Variants in CEMIP observed in about 807,000 individuals in gnomAD.
CEMIP encodes cell migration-inducing and hyaluronan-binding protein.
Under a neutral mutation model 156.9 loss-of-function variants are expected in CEMIP, and 105 were observed. The ratio of observed to expected loss-of-function variants is 0.67; its 90% CI spans 0.57 to 0.79. CEMIP has a LOEUF of 0.79. CEMIP is among the 30% of genes least tolerant of loss of function. The pLI, the probability that CEMIP is intolerant of heterozygous loss-of-function variation, is 0.00. For synonymous variants in CEMIP, 676 were observed against 668.4 expected, an observed-to-expected ratio of 1.01 and a Z score of -0.17; for missense variants, 1,457 against 1,769.4, an observed-to-expected ratio of 0.82 and a Z score of 3.17.
At chr15:80,909,695 G>A (rs1490392975) in intron 14 of CEMIP, 5 of 448,778 alleles carry the variant, frequency 1.1e-5, no homozygotes, top group Non-Finnish European at 1.8e-5. Context: ...GATTTGAGAT[G>A]GTGACAACAA....
chr15:80,816,758 C>T (rs921429325), intron 1 of CEMIP, among the ~76,000 whole-genome samples: 6 of 152,020 alleles, frequency 3.9e-5, no homozygotes, highest in East Asian at 1.9e-4. Context: ...AGAGGTCAAA[C>T]GAGGGTGAGA....
intron 1 of CEMIP, among the ~76,000 whole-genome samples, chr15:80,804,085 G>A (rs570221930): frequency 6.6e-6 from 1 of 152,180 alleles, no homozygotes; most frequent in East Asian, 1.9e-4. Flanking sequence ...ATCAGATCTT[G>A]CGATACTTAT....
Position 80,872,477 on chromosome 15 carries a change from T to TA in CEMIP, c.-175-1060dup, listed in dbSNP as rs751645874. On this transcript the variant is annotated intron_variant, in intron 1 of 29. Transcript: ENST00000394685. ...GACAGATTCCCATAGTAAACTTCTA[T>TA]ATGAGTAAAAGGAAACAAAAATAAC... Among the ~76,000 whole-genome samples the TA allele has an allele frequency of 3.2e-4, 48 of 152,120 alleles. 1 individual carries two copies. The highest frequency in any genetic ancestry group is 4.3e-4 in the Non-Finnish European group (29 of 68,038).
At chr15:80,913,016 C>G (rs1307478181) in intron 14 of CEMIP, among the ~76,000 whole-genome samples, 1 of 151,946 alleles carries the variant, frequency 6.6e-6, no homozygotes, top group Non-Finnish European at 1.5e-5. Context: ...GATACTGGCT[C>G]GGGAGAAAGA....
At chr15:80,809,695 G>A (rs374179589) in intron 1 of CEMIP, among the ~76,000 whole-genome samples, 54 of 152,238 alleles carry the variant, frequency 3.5e-4, no homozygotes, top group African/African-American at 1.1e-3. Context: ...GGGAAAATCC[G>A]CTTCTGGGCC....
At chr15:80,870,042 GA>G (rs1447366399) in intron 1 of CEMIP, among the ~76,000 whole-genome samples, 2 of 152,152 alleles carry the variant, frequency 1.3e-5, no homozygotes, top group Non-Finnish European at 2.9e-5. Context: ...AGTGACCCTG[GA>G]ATTTACAGTG....
At chr15:80,827,190 C>T (rs1293187591) in intron 1 of CEMIP, among the ~76,000 whole-genome samples, 1 of 152,110 alleles carries the variant, frequency 6.6e-6, no homozygotes, top group Non-Finnish European at 1.5e-5. Context: ...CCATTTGAAG[C>T]ACATGATTAA....
Position 80,932,875 on chromosome 15 carries a change from C to T in CEMIP, c.2794-370C>T, listed in dbSNP as rs1309084962. 6.6e-6 allele frequency among the ~76,000 whole-genome samples: 1 copy of T among 152,176 alleles called. No individual in the cohort carries two copies. Among genetic ancestry groups the T allele is most frequent in the South Asian group, 2.1e-4 (1 of 4,828 alleles). On this transcript the variant is annotated intron_variant, in intron 22 of 29. Coordinates refer to ENST00000394685, the MANE Select transcript of CEMIP (RefSeq NM_001293298.2). This position sits in a 1 kb window ranked among gnomAD's most constrained non-coding sequence, Gnocchi z 4.5. ...AAAAGTGTGTGTACCCTTTCTCATA[C>T]ACACATCACCCCCACCTCCCTCTCA...
chr15:80,831,010 A>G (rs1003058915), intron 1 of CEMIP, among the ~76,000 whole-genome samples: 1 of 152,206 alleles, frequency 6.6e-6, no homozygotes, highest in Non-Finnish European at 1.5e-5. Flanking sequence ...TGGAGTTCAC[A>G]TGTAGGCAGA....
rs1193372392 is a variant in CEMIP at position 80,909,711 on chromosome 15, T to A, written c.1797+405T>A. ...ATTTGAGATGGTGACAACAATGGGC[T>A]TTTTTTCTTCTGATGAACCAAGTGT... On this transcript the variant is annotated intron_variant, in intron 14 of 29. Coordinates refer to ENST00000394685, the MANE Select transcript of CEMIP (RefSeq NM_001293298.2). 39 of 438,926 alleles carry A rather than the reference T, an allele frequency of 8.9e-5. 1 individual carries two copies. Among genetic ancestry groups the A allele is most frequent in the South Asian group, 5.2e-4 (33 of 63,282 alleles). 27.2% of individuals were successfully genotyped at this position (438,926 alleles called of 1,614,324 possible). A position where few individuals can be genotyped will look rare whatever the true frequency, so the allele number is the denominator to read the frequency against.
intron 1 of CEMIP, among the ~76,000 whole-genome samples, chr15:80,843,722 A>G (rs1185666276): frequency 6.6e-6 from 1 of 152,192 alleles, no homozygotes; most frequent in Non-Finnish European, 1.5e-5. Context: ...ATATCCCTCC[A>G]TCTCTATCAG....
At chr15:80,933,622 A>AG (rs1280752702) in intron 23 of CEMIP, among the ~76,000 whole-genome samples, 162 bp downstream of exon 23, 1 of 150,448 alleles carries the variant, frequency 6.6e-6, no homozygotes, top group African/African-American at 2.5e-5. Context: ...CTCACCCAGT[A>AG]GGATTTTTAC....
In CEMIP at chr15:80,779,465, G is replaced by C. The variant is rs969436582; in HGVS notation, c.-325G>C. On this transcript the variant is annotated 5_prime_UTR_variant, in exon 1 of 30. Transcript: ENST00000394685. ...GAGCCAGCGGGGCTGAGCGCGGCCA[G>C]GGTCTGAACCCAGATTTCCCAGACT... is the stretch of plus-strand genomic sequence containing the variant. 6.6e-6 allele frequency: 1 copy of C among 152,314 alleles called. No individual in the cohort carries two copies. The highest frequency in any genetic ancestry group is 1.5e-5 in the Non-Finnish European group (1 of 68,106). The allele number at this position is 152,314 out of a possible 1,614,324, so 9.4% of individuals were successfully genotyped here. A position where few individuals can be genotyped will look rare whatever the true frequency, so the allele number is the denominator to read the frequency against.
chr15:80,942,032 G>A lies in CEMIP; in HGVS notation c.3591G>A (p.Lys1197=). 6.2e-7 allele frequency: 1 copy of A among 1,613,454 alleles called. No individual in the cohort carries two copies. The highest frequency in any genetic ancestry group is 8.5e-7 in the Non-Finnish European group (1 of 1,179,848). The change falls in exon 26 of 30, where the codon AAG becomes AAA. Residue 1197 remains lysine (K), a synonymous_variant. Transcript: ENST00000394685. ...CTGTCGTAGACGTGCCGATGCCCAAGAAGCTCTTTGGTTCTCAGCTGGTGA... is the reference window on the plus strand; with the variant it reads ...CTGTCGTAGACGTGCCGATGCCCAAAAAGCTCTTTGGTTCTCAGCTGGTGA... The part of the protein sequence containing the change: ...ERAVVDVPMP[K]KLFGSQLKTK...
intron 1 of CEMIP, among the ~76,000 whole-genome samples, chr15:80,781,735 T>C (rs1258823210): frequency 6.6e-6 from 1 of 152,214 alleles, no homozygotes. Context: ...TGCTGATATG[T>C]AAACTGGGAA....
chr15:80,831,063 G>A (rs968777488), intron 1 of CEMIP, among the ~76,000 whole-genome samples: 5 of 152,192 alleles, frequency 3.3e-5, no homozygotes, highest in African/African-American at 1.2e-4. Context: ...ATTATGTACT[G>A]TTAGTTTTGA....
In CEMIP at chr15:80,906,948, G is replaced by A; in HGVS notation, c.1587+110G>A. On this transcript the variant is annotated intron_variant, in intron 13 of 29. Transcript: ENST00000394685. This position sits in a 1 kb window ranked among gnomAD's most constrained non-coding sequence, Gnocchi z 4.3. ...ATGAGGGTGGGGGAACAGGAGGTGGGATCAAGGGGAGGGCGCCTTCTGGAA... is the reference window on the plus strand; with the variant it reads ...ATGAGGGTGGGGGAACAGGAGGTGGAATCAAGGGGAGGGCGCCTTCTGGAA... 8.1e-7 allele frequency: 1 copy of A among 1,233,106 alleles called. No individual in the cohort carries two copies. Among genetic ancestry groups the A allele is most frequent in the Non-Finnish European group, 1.2e-6 (1 of 862,166 alleles). 76.4% of individuals were successfully genotyped at this position (1,233,106 alleles called of 1,614,324 possible).
intron 14 of CEMIP, among the ~76,000 whole-genome samples, chr15:80,917,418 T>G (rs67081620): frequency 6.6e-6 from 1 of 152,082 alleles, no homozygotes. Flanking sequence ...CTCTGTAAAG[T>G]TGGAGGCATT....
intron 1 of CEMIP, among the ~76,000 whole-genome samples, chr15:80,858,092 T>A (rs1482503318): frequency 1.3e-5 from 2 of 152,170 alleles, no homozygotes; most frequent in African/African-American, 2.4e-5. Flanking sequence ...TAAAGGGCTC[T>A]GACTTCATTC....
Sources: allele counts gnomAD v4.1 joint callset (sites outside exome capture counted in the v4.1 genomes callset), GRCh38; gene constraint gnomAD v4.1.1; non-coding constraint Gnocchi (gnomAD v3.1); transcripts MANE v1.5; gene names NCBI Gene and HGNC (gene_info 2026-07-23, HGNC 2026-07-21).